Variants in SETDB1 observed in about 807,000 individuals in gnomAD.
SETDB1 encodes the protein SET domain bifurcated histone lysine methyltransferase 1.
A neutral mutation model predicts 137.4 loss-of-function variants in SETDB1; 31 were observed. The ratio of observed to expected loss-of-function variants is 0.23; its 90% CI spans 0.17 to 0.30. SETDB1 has a LOEUF of 0.30. Ranked by LOEUF, SETDB1 falls within the 10% of genes least tolerant of loss-of-function variation. The pLI, the probability that SETDB1 is intolerant of heterozygous loss-of-function variation, is 1.00. For missense variants in SETDB1, 1,113 were observed against 1,631.5 expected, an observed-to-expected ratio of 0.68 and a Z score of 5.47; for synonymous variants, 548 against 579.9, an observed-to-expected ratio of 0.95 and a Z score of 0.79.
chr1:150,962,084 A>G, intron 16 of SETDB1, 46 bp from the exon 17 acceptor site: 1 of 1,612,848 alleles, frequency 6.2e-7, no homozygotes, highest in South Asian at 1.1e-5. Flanking sequence ...TGGACTTGTT[A>G]CCCGAGGCTG....
At chr1:150,939,824 T>G (rs1571635117) in intron 3 of SETDB1, 116 bp from the exon 4 acceptor site, 1 of 689,426 alleles carries the variant, frequency 1.5e-6, no homozygotes, top group Non-Finnish European at 2.5e-6. Context: ...AAGATTATTT[T>G]CAGTTATTGT....
Position 150,946,883 on chromosome 1 carries a change from C to T in SETDB1, c.1141-3C>T, listed in dbSNP as rs1198871423. On this transcript the variant is annotated splice_region_variant and splice_polypyrimidine_tract_variant and intron_variant, in intron 9 of 21. Transcript: ENST00000692827. ...CCTTCATTCTTTTCTCTCAATTCCC[C>T]AGGATGACAAAAGATGTGAGTGGAT... 5 of 1,613,856 alleles carry T rather than the reference C, an allele frequency of 3.1e-6. No individual in the cohort carries two copies. The highest frequency in any genetic ancestry group is 1.7e-5 in the Admixed American group (1 of 59,994).
intron 9 of SETDB1, among the ~76,000 whole-genome samples, chr1:150,946,110 C>A (rs1282956901): frequency 6.6e-6 from 1 of 152,120 alleles, no homozygotes; most frequent in Non-Finnish European, 1.5e-5. Context: ...GCCTCAACCT[C>A]CAGGGTTCAA....
chr1:150,963,645 A>T lies in SETDB1; in HGVS notation c.3576A>T (p.Ala1192=), dbSNP rs1383606191. 1 of 1,614,134 alleles carries T rather than the reference A, an allele frequency of 6.2e-7. No individual in the cohort carries two copies. Among genetic ancestry groups the T allele is most frequent in the Non-Finnish European group, 8.5e-7 (1 of 1,180,026 alleles). ...NMASVDKGES[A]PVRKNTRQFY... is the part of the protein sequence containing the mutation. ...CCTCTGTGGACAAGGGGGAGAGCGC[A>T]CCTGTTCGTAAGAACACACGCCAAT... Residue 1192 remains alanine, a synonymous_variant, in exon 20 of 22, where the codon GCA becomes GCT. Coordinates refer to ENST00000692827, the MANE Select transcript of SETDB1 (RefSeq NM_001366418.1).
In SETDB1 at chr1:150,942,662, G is replaced by C; in HGVS notation, c.647G>C (p.Gly216Ala). The C allele has an allele frequency of 6.2e-7, 1 of 1,613,544 alleles. No individual in the cohort carries two copies. The highest frequency in any genetic ancestry group is 8.5e-7 in the Non-Finnish European group (1 of 1,179,810). The change falls in exon 6 of 22, where the codon GGC (glycine) becomes GCC (alanine). Residue 216 changes from glycine to alanine, a missense_variant. Transcript: ENST00000692827. Reference sequence around the variant, plus strand: ...AAGAGAACTAAGACTTGGCACAAAGGCACCCTTATTGCCATCCAGACAGTT... The same window carrying C: ...AAGAGAACTAAGACTTGGCACAAAGCCACCCTTATTGCCATCCAGACAGTT... ...GKKRTKTWHKGTLIAIQTVGP... is the reference protein window; with the variant it reads ...GKKRTKTWHKATLIAIQTVGP...
chr1:150,931,261 C>CAAAAAAAAAAAAA (rs767694682), intron 3 of SETDB1, among the ~76,000 whole-genome samples: 1,614 of 67,294 alleles, frequency 0.024, 104 homozygotes, highest in Non-Finnish European at 0.029. Flanking sequence ...CTCTTGTCTT[C>CAAAAAAAAAAAAA]AAAAAAAAAA....
At chr1:150,962,191 CAG>C (rs1491084815) in intron 17 of SETDB1, 33 bp downstream of exon 17, 11 of 1,601,196 alleles carry the variant, frequency 6.9e-6, no homozygotes, top group South Asian at 3.3e-5. Context: ...TGTTTTGAGA[CAG>C]AGTCTTGCTT....
intron 3 of SETDB1, among the ~76,000 whole-genome samples, chr1:150,938,808 C>T (rs959258192): frequency 6.8e-5 from 10 of 147,684 alleles, no homozygotes; most frequent in Non-Finnish European, 1.5e-4. Flanking sequence ...TCGGCCTACA[C>T]GTTTTATTTT....
intron 12 of SETDB1, among the ~76,000 whole-genome samples, chr1:150,950,236 A>G (rs1422056883): frequency 6.6e-6 from 1 of 152,110 alleles, no homozygotes; most frequent in Non-Finnish European, 1.5e-5. Flanking sequence ...CTTGTCTCAA[A>G]AAAAAAAAGA....
In SETDB1 at chr1:150,927,847, G is replaced by A. The variant is rs2102624300; in HGVS notation, c.133G>A (p.Asp45Asn). 1.9e-6 allele frequency: 3 copies of A among 1,614,138 alleles called. No homozygotes were observed. Among genetic ancestry groups the A allele is most frequent in the Non-Finnish European group, 2.5e-6 (3 of 1,180,036 alleles). ...ISMEELRHFI[D>N]EELEKMDCVQ... is the part of the protein sequence containing the mutation. ...TATGGAGGAACTTCGGCATTTCATC[G>A]ATGAGGAACTGGAGAAGATGGATTG... Residue 45 changes from aspartate (D) to asparagine (N), a missense_variant, in exon 2 of 22, where the codon GAT becomes AAT. Around this residue, in one of 11 missense-constraint regions of SETDB1, gnomAD observed 159 missense variants for 188.6 expected, o/e 0.84. Transcript: ENST00000692827.
intron 3 of SETDB1, among the ~76,000 whole-genome samples, chr1:150,932,305 T>C (rs1331708837): frequency 6.6e-6 from 1 of 152,006 alleles, no homozygotes. Flanking sequence ...TCTGTTGTGG[T>C]GTCCTTGTTT....
intron 19 of SETDB1, 179 bp downstream of exon 19, chr1:150,963,318 C>A (rs1345133118): frequency 1.4e-6 from 1 of 725,752 alleles, no homozygotes; most frequent in East Asian, 2.7e-5. Flanking sequence ...TCTCTCATTT[C>A]CATTTTTTTA....
chr1:150,934,004 A>C (rs1669867900), intron 3 of SETDB1, among the ~76,000 whole-genome samples: 1 of 151,484 alleles, frequency 6.6e-6, no homozygotes, highest in African/African-American at 2.4e-5. Flanking sequence ...ATTGATCTCA[A>C]GCTCCCAACC....
At chr1:150,936,295 A>T (rs1669944666) in intron 3 of SETDB1, among the ~76,000 whole-genome samples, 1 of 151,972 alleles carries the variant, frequency 6.6e-6, no homozygotes, top group Non-Finnish European at 1.5e-5. Flanking sequence ...GCCTCTGTTC[A>T]GTTTTTTTAT....
In SETDB1 at chr1:150,939,401, C is replaced by T. The variant is rs587719535; in HGVS notation, c.413-539C>T. Among the ~76,000 whole-genome samples, 263 of 152,166 alleles carry T rather than the reference C, an allele frequency of 1.7e-3. 2 individuals carry two copies. The highest frequency in any genetic ancestry group is 6.1e-3 in the African/African-American group (252 of 41,532). ...GGAGTGCAGTGGTGCAGTCTCAGCT[C>T]GTTGCAGCCTCTGCCTCCCGGATTC... On this transcript the variant is annotated intron_variant, in intron 3 of 21. Coordinates refer to ENST00000692827, the MANE Select transcript of SETDB1 (RefSeq NM_001366418.1).
In SETDB1 at chr1:150,945,153, G is replaced by A. The variant is rs768295573; in HGVS notation, c.1140+45G>A. On this transcript the variant is annotated intron_variant, in intron 9 of 21. Coordinates refer to ENST00000692827, the MANE Select transcript of SETDB1 (RefSeq NM_001366418.1). ...TTTTGGAGGCAGAGGTTGGTGGGGG[G>A]GGAACTTAAGAAGCAGTAATGAGGA... 6 of 1,610,976 alleles carry A rather than the reference G, an allele frequency of 3.7e-6. No individual in the cohort carries two copies. In the African/African-American group the frequency reaches 4.0e-5, roughly 11 times the overall value.
chr1:150,963,362 T>A, intron 19 of SETDB1, 168 bp from the exon 20 acceptor site: 1 of 757,340 alleles, frequency 1.3e-6, no homozygotes, highest in Non-Finnish European at 2.2e-6. Context: ...CTAGCAGATC[T>A]AATTATGCTT....
chr1:150,942,726 A>G (rs778831389), intron 6 of SETDB1, 38 bp downstream of exon 6: 1 of 1,604,580 alleles, frequency 6.2e-7, no homozygotes, highest in African/African-American at 1.3e-5. Context: ...CTGAAAGGCA[A>G]CCTGCACCCT....
At chr1:150,929,120 T>A (rs587759884) in intron 2 of SETDB1, among the ~76,000 whole-genome samples, 1 of 152,158 alleles carries the variant, frequency 6.6e-6, no homozygotes, top group African/African-American at 2.4e-5. Context: ...GTAATGGGAT[T>A]GCTGGGTCAA....
Sources: allele counts gnomAD v4.1 joint callset (sites outside exome capture counted in the v4.1 genomes callset), GRCh38; gene constraint gnomAD v4.1.1; regional missense constraint gnomAD v4.1.1; transcripts MANE v1.5; gene names NCBI Gene and HGNC (gene_info 2026-07-23, HGNC 2026-07-21).